Variants in RPE observed in about 807,000 individuals in gnomAD.
The protein encoded by RPE is ribulose-phosphate 3-epimerase.
A neutral mutation model predicts 24.6 loss-of-function variants in RPE; 16 were observed. That is an observed-to-expected ratio of 0.65 (90% CI 0.44 to 0.99). The LOEUF is 0.99. Among genes scored for constraint, RPE ranks in the 50% least tolerant of loss-of-function variants. RPE has a pLI of 0.00. For missense variants in RPE, 240 were observed against 294.5 expected, an observed-to-expected ratio of 0.81 and a Z score of 1.35; for synonymous variants, 93 against 98.4, an observed-to-expected ratio of 0.94 and a Z score of 0.33.
intron 2 of RPE, among the ~76,000 whole-genome samples, chr2:210,013,612 A>G (rs1311591107): frequency 2.0e-5 from 3 of 152,122 alleles, no homozygotes; most frequent in South Asian, 2.1e-4. Context: ...CAAAAATTAC[A>G]TGCTTTAAAA....
intron 1 of RPE, among the ~76,000 whole-genome samples, chr2:210,005,659 C>G (rs1440579399): frequency 6.6e-6 from 1 of 152,004 alleles, no homozygotes; most frequent in Non-Finnish European, 1.5e-5. Context: ...CAAAGACTTG[C>G]TAGCACTGGG....
At chr2:210,018,749 C>G (rs767429962) in intron 5 of RPE, 19 of 965,242 alleles carry the variant, frequency 2.0e-5, no homozygotes, top group Non-Finnish European at 2.3e-5. Flanking sequence ...CAGACCTTGG[C>G]GATGACCTTA....
chr2:210,016,758 T>C, intron 4 of RPE, 117 bp downstream of exon 4: 1 of 1,384,064 alleles, frequency 7.2e-7, no homozygotes, highest in East Asian at 2.3e-5. Context: ...GAGATGGGGA[T>C]GCTTACAGAT....
intron 4 of RPE, 95 bp downstream of exon 4, chr2:210,016,736 T>C: frequency 1.3e-6 from 2 of 1,550,280 alleles, no homozygotes; most frequent in Non-Finnish European, 8.8e-7. Flanking sequence ...CATAACCTGT[T>C]CTGAAGGTGA....
rs1027231806 is a variant in RPE, at chr2:210,002,670, G to A, written c.9G>A (p.Ser3=). The A allele has an allele frequency of 1.2e-5, 19 of 1,612,900 alleles. No homozygotes were observed. The highest frequency in any genetic ancestry group is 2.7e-5 in the African/African-American group (2 of 74,906). The change falls in exon 1 of 6, where the codon TCG becomes TCA. Residue 3 remains serine (S), a synonymous_variant. Coordinates refer to ENST00000359429, the MANE Select transcript of RPE (RefSeq NM_199229.3). MA[S]GCKIGPSILN... Reference sequence around the variant, plus strand: ...TTTTGGGAGCCAGCGGTATGGCGTCGGGCTGCAAGATTGGCCCGTCCATCC... The same window carrying A: ...TTTTGGGAGCCAGCGGTATGGCGTCAGGCTGCAAGATTGGCCCGTCCATCC...
chr2:210,014,455 A>G (rs1471035315), intron 2 of RPE, among the ~76,000 whole-genome samples: 1 of 152,130 alleles, frequency 6.6e-6, no homozygotes, highest in Non-Finnish European at 1.5e-5. Flanking sequence ...GAAACACCAG[A>G]TTTAATACAT....
At chr2:210,019,596 T>C (rs2093830340) in intron 5 of RPE, 73 bp from the exon 6 acceptor site, 1 of 1,555,948 alleles carries the variant, frequency 6.4e-7, no homozygotes, top group Admixed American at 1.8e-5. Flanking sequence ...GTAGACACTC[T>C]AGTCCAGGAA....
In RPE at chr2:210,021,720, C is replaced by A. The variant is rs2093858923; in HGVS notation, c.*1929C>A. 1 of 152,230 alleles carries A rather than the reference C, an allele frequency of 6.6e-6. No homozygotes were observed. The allele number at this position is 152,230 out of a possible 1,614,324, so 9.4% of individuals were successfully genotyped here. On this transcript the variant is annotated 3_prime_UTR_variant, in exon 6 of 6. Transcript: ENST00000359429. ...TATGTGGGTAGTACAACTTGAGTAACCTTTTTTACATGACAAAAAGTGAGT... is the reference window on the plus strand; with the variant it reads ...TATGTGGGTAGTACAACTTGAGTAAACTTTTTTACATGACAAAAAGTGAGT...
Position 210,016,043 on chromosome 2 carries a change from C to T in RPE, c.273C>T (p.Tyr91=), listed in dbSNP as rs1365208567. The T allele has an allele frequency of 1.9e-6, 3 of 1,614,224 alleles. No individual in the cohort carries two copies. The highest frequency in any genetic ancestry group is 1.1e-5 in the South Asian group (1 of 91,088). The part of the protein sequence containing the change: ...KPMAVAGANQ[Y]TFHLEATENP... The stretch of plus-strand genomic sequence containing the variant: ...TGGCTGTAGCAGGAGCCAATCAGTA[C>T]ACCTTTCATCTCGAGGCTACTGAGA... Residue 91 remains tyrosine, a synonymous_variant, in exon 3 of 6, where the codon TAC becomes TAT. Transcript: ENST00000359429.
chr2:210,018,123 T>C, intron 5 of RPE: 1 of 1,514,076 alleles, frequency 6.6e-7, no homozygotes, highest in South Asian at 1.3e-5. Flanking sequence ...AAGAAAGTTC[T>C]TTTTTATAAA....
In RPE at chr2:210,019,806, C is replaced by T. The variant is rs765341787; in HGVS notation, c.*15C>T. The T allele has an allele frequency of 6.2e-6, 10 of 1,607,108 alleles. No homozygotes were observed. The East Asian group carries it at 2.2e-4, about 36-fold the overall frequency. Reference sequence around the variant, plus strand: ...TTGATCGGTGAAACCATAAGGAGCCCAGTGTTCCTGTTCATGAAATCTCCC... The same window carrying T: ...TTGATCGGTGAAACCATAAGGAGCCTAGTGTTCCTGTTCATGAAATCTCCC... On this transcript the variant is annotated 3_prime_UTR_variant, in exon 6 of 6. Coordinates refer to ENST00000359429, the MANE Select transcript of RPE (RefSeq NM_199229.3).
intron 1 of RPE, among the ~76,000 whole-genome samples, chr2:210,007,195 A>C (rs973538185): frequency 6.6e-6 from 1 of 152,244 alleles, no homozygotes; most frequent in Non-Finnish European, 1.5e-5. Flanking sequence ...TAATATACAG[A>C]AAGTCTTTAG....
chr2:210,015,717 T>A (rs1433098860), intron 2 of RPE, among the ~76,000 whole-genome samples: 1 of 152,228 alleles, frequency 6.6e-6, no homozygotes, highest in Non-Finnish European at 1.5e-5. Context: ...TTCCTGATTT[T>A]TAGATGTTAA....
At chr2:210,016,312 CTTCT>C in intron 3 of RPE, 191 bp from the exon 4 acceptor site, 1 of 1,596,494 alleles carries the variant, frequency 6.3e-7, no homozygotes, top group Non-Finnish European at 8.5e-7. Context: ...CAGGATTTAA[CTTCT>C]TTGTCACATA....
rs572901065 is a variant in RPE, at chr2:210,015,210, A to G, written c.203-763A>G. ...TCCTCTTATCCTCCACATCTCATCT[A>G]TCCTCAGCTCTCTTTGCTCTTATTT... is the stretch of plus-strand genomic sequence containing the variant. On this transcript the variant is annotated intron_variant, in intron 2 of 5. Transcript: ENST00000359429. Among the ~76,000 whole-genome samples, 18 of 152,220 alleles carry G rather than the reference A, an allele frequency of 1.2e-4. No individual in the cohort carries two copies. The South Asian group carries it at 2.7e-3, about 23-fold the overall frequency.
At chr2:210,018,020 C>G in intron 5 of RPE, 1 of 930,666 alleles carries the variant, frequency 1.1e-6, no homozygotes, top group Non-Finnish European at 1.6e-6. Context: ...GTTGGGATTA[C>G]AGATGTGAGC....
At chr2:210,017,336 A>C in intron 4 of RPE, 137 bp from the exon 5 acceptor site, 1 of 671,038 alleles carries the variant, frequency 1.5e-6, no homozygotes, top group Non-Finnish European at 2.6e-6. Flanking sequence ...TTGTATTGGT[A>C]TAGTTATTGT....
intron 4 of RPE, among the ~76,000 whole-genome samples, 158 bp from the exon 5 acceptor site, chr2:210,017,315 C>T (rs1213625677): frequency 2.0e-5 from 3 of 152,138 alleles, no homozygotes; most frequent in East Asian, 1.9e-4. Flanking sequence ...CAAGTGTTCC[C>T]CAGTAATATG....
In RPE at chr2:210,004,081, T is replaced by G. The variant is rs181621952; in HGVS notation, c.122+1298T>G. ...ACATCTTTGCTTGAAAGCCCTAAAC[T>G]GTCACAGGTAATAATACCCTGAGTG... On this transcript the variant is annotated intron_variant, in intron 1 of 5. Coordinates refer to ENST00000359429, the MANE Select transcript of RPE (RefSeq NM_199229.3). Among the ~76,000 whole-genome samples, 29 of 152,330 alleles carry G rather than the reference T, an allele frequency of 1.9e-4. No homozygotes were observed. In the East Asian group the frequency reaches 5.4e-3, roughly 28 times the overall value.
Sources: allele counts gnomAD v4.1 joint callset (sites outside exome capture counted in the v4.1 genomes callset), GRCh38; gene constraint gnomAD v4.1.1; transcripts MANE v1.5; gene names NCBI Gene and HGNC (gene_info 2026-07-23, HGNC 2026-07-21).